Variants in SLC13A3 observed in about 807,000 individuals in gnomAD.
SLC13A3 encodes Na(+)/dicarboxylate cotransporter 3.
Under a neutral mutation model 59.0 loss-of-function variants are expected in SLC13A3, and 40 were observed. That is an observed-to-expected ratio of 0.68 (90% CI 0.53 to 0.88). The LOEUF (loss-of-function observed/expected upper bound fraction) is 0.88, where lower values mean the gene tolerates loss of function less well. SLC13A3 is among the 40% of genes least tolerant of loss of function. The pLI is 0.00. For missense variants in SLC13A3, 699 were observed against 783.2 expected, an observed-to-expected ratio of 0.89 and a Z score of 1.28; for synonymous variants, 317 against 330.3, an observed-to-expected ratio of 0.96 and a Z score of 0.44.
intron 5 of SLC13A3, among the ~76,000 whole-genome samples, chr20:46,595,040 G>T (rs1027464122): frequency 2.6e-5 from 4 of 152,162 alleles, no homozygotes; most frequent in African/African-American, 9.7e-5. Flanking sequence ...TTGGCCAACA[G>T]GTAAAGAAGT....
chr20:46,569,708 G>A (rs950017281), intron 10 of SLC13A3, among the ~76,000 whole-genome samples: 2 of 152,214 alleles, frequency 1.3e-5, no homozygotes, highest in African/African-American at 4.8e-5. Context: ...CACAGTGGTT[G>A]TCAAATTATG....
chr20:46,630,962 TG>T (rs1464633427), intron 1 of SLC13A3, among the ~76,000 whole-genome samples: 1 of 152,228 alleles, frequency 6.6e-6, no homozygotes, highest in East Asian at 1.9e-4. Context: ...ACTGACCCAG[TG>T]ATTGATACAT....
chr20:46,647,019 C>G (rs2694875), intron 1 of SLC13A3, among the ~76,000 whole-genome samples: 10 of 152,180 alleles, frequency 6.6e-5, no homozygotes, highest in Admixed American at 1.3e-4. Context: ...ACCATCCCCC[C>G]CAAATATCTC....
chr20:46,626,188 CCTT>C (rs767477462), intron 1 of SLC13A3, among the ~76,000 whole-genome samples: 1 of 150,116 alleles, frequency 6.7e-6, no homozygotes, highest in Admixed American at 6.6e-5. Flanking sequence ...CTCCCTCCCT[CCTT>C]CTTCCCACTC....
intron 1 of SLC13A3, among the ~76,000 whole-genome samples, chr20:46,662,533 G>T (rs540830817): frequency 1.3e-5 from 2 of 152,146 alleles, no homozygotes; most frequent in Non-Finnish European, 2.9e-5. Context: ...TATAGCAGAC[G>T]AAAACGATAT....
intron 1 of SLC13A3, among the ~76,000 whole-genome samples, chr20:46,666,794 A>T (rs2063064967): frequency 1.3e-5 from 2 of 152,018 alleles, no homozygotes. Flanking sequence ...ATGAGCCATC[A>T]CACCTGGCTG....
chr20:46,660,593 G>C (rs111874760), intron 1 of SLC13A3, among the ~76,000 whole-genome samples: 5 of 152,210 alleles, frequency 3.3e-5, no homozygotes, highest in African/African-American at 9.6e-5. Context: ...TCAGCAGTTT[G>C]ACTGAAACGT....
intron 12 of SLC13A3, 65 bp from the exon 13 acceptor site, chr20:46,560,263 A>G: frequency 2.0e-6 from 3 of 1,481,078 alleles, no homozygotes; most frequent in South Asian, 1.2e-5. Context: ...GGAAACATTC[A>G]GACTCAGAGA....
chr20:46,608,501 T>G (rs145582554), intron 3 of SLC13A3, among the ~76,000 whole-genome samples: 2 of 152,330 alleles, frequency 1.3e-5, no homozygotes, highest in Non-Finnish European at 2.9e-5. Context: ...ACTCTGCCGT[T>G]GCATAGAGCT....
At chr20:46,664,559 A>T (rs1464382226) in intron 1 of SLC13A3, among the ~76,000 whole-genome samples, 1 of 152,264 alleles carries the variant, frequency 6.6e-6, no homozygotes, top group Non-Finnish European at 1.5e-5. Flanking sequence ...AGACTAAAAA[A>T]TTAAAATCCC....
intron 6 of SLC13A3, among the ~76,000 whole-genome samples, chr20:46,590,491 G>GA (rs1429171856): frequency 1.3e-5 from 2 of 151,964 alleles, no homozygotes; most frequent in Admixed American, 6.6e-5. Flanking sequence ...AAACCCATTT[G>GA]AAAAAAATGT....
At chr20:46,656,343 A>G (rs1216242704), upstream of SLC13A3, among the ~76,000 whole-genome samples, 1 of 106,946 alleles carries the variant, frequency 9.4e-6, no homozygotes, top group African/African-American at 3.3e-5. Context: ...TATACAGTAT[A>G]TATTATACTG....
At chr20:46,644,403 T>C (rs983293284) in intron 1 of SLC13A3, among the ~76,000 whole-genome samples, 2 of 152,206 alleles carry the variant, frequency 1.3e-5, no homozygotes, top group African/African-American at 4.8e-5. Context: ...CATTTCAACA[T>C]AGTCCTTTGC....
chr20:46,593,231 T>C (rs528766174), intron 5 of SLC13A3, among the ~76,000 whole-genome samples: 12 of 152,366 alleles, frequency 7.9e-5, no homozygotes, highest in African/African-American at 2.9e-4. Flanking sequence ...GAATATTCTT[T>C]TCTGGAGAGG....
At chr20:46,626,965 G>A (rs2062680497) in intron 1 of SLC13A3, among the ~76,000 whole-genome samples, 1 of 152,146 alleles carries the variant, frequency 6.6e-6, no homozygotes, top group African/African-American at 2.4e-5. Context: ...TCCCCTCCAG[G>A]AAGTCCATCT....
At chr20:46,657,363 A>G (rs1382414703) in intron 1 of SLC13A3, among the ~76,000 whole-genome samples, 1 of 151,248 alleles carries the variant, frequency 6.6e-6, no homozygotes, top group Non-Finnish European at 1.5e-5. Flanking sequence ...ACAGAGTGCG[A>G]AAATGTCTCA....
intron 1 of SLC13A3, among the ~76,000 whole-genome samples, chr20:46,622,377 CTT>C (rs1254180279): frequency 1.3e-5 from 2 of 152,086 alleles, no homozygotes; most frequent in Admixed American, 1.3e-4. Flanking sequence ...AAGTAATTAA[CTT>C]AACTCAGAGG....
chr20:46,564,966 C>A (rs946972768), intron 11 of SLC13A3, among the ~76,000 whole-genome samples: 2 of 152,168 alleles, frequency 1.3e-5, no homozygotes, highest in African/African-American at 2.4e-5. Context: ...AGACAGAAAC[C>A]AAAGACAAGG....
chr20:46,567,335 G>A (rs2061989921), intron 10 of SLC13A3, among the ~76,000 whole-genome samples: 1 of 152,056 alleles, frequency 6.6e-6, no homozygotes, highest in Non-Finnish European at 1.5e-5. Flanking sequence ...AGGGGACCAG[G>A]CACCTGCAGG....
Sources: allele counts gnomAD v4.1 joint callset (sites outside exome capture counted in the v4.1 genomes callset), GRCh38; gene constraint gnomAD v4.1.1; transcripts MANE v1.5; gene names NCBI Gene and HGNC (gene_info 2026-07-23, HGNC 2026-07-21).